ZNF385B: variants seen among roughly 807,000 people sequenced by gnomAD.
ZNF385B encodes the protein zinc finger protein 385B, also known as zinc finger protein 533.
Under a neutral mutation model 39.2 loss-of-function variants are expected in ZNF385B, and 23 were observed. The observed-to-expected ratio is 0.59, with a 90% CI of 0.42 to 0.83. ZNF385B has a LOEUF of 0.83. Among genes scored for constraint, ZNF385B ranks in the 40% least tolerant of loss-of-function variants. ZNF385B has a pLI of 0.00. For missense variants in ZNF385B, 552 were observed against 598.9 expected, an observed-to-expected ratio of 0.92 and a Z score of 0.82; for synonymous variants, 205 against 222.6, an observed-to-expected ratio of 0.92 and a Z score of 0.70.
intron 1 of ZNF385B, among the ~76,000 whole-genome samples, chr2:179,838,827 T>G (rs561701644): frequency 9.3e-5 from 14 of 151,324 alleles, no homozygotes; most frequent in Admixed American, 3.9e-4. Flanking sequence ...AAAGGTGAAA[T>G]TATATAAAAC....
intron 3 of ZNF385B, among the ~76,000 whole-genome samples, chr2:179,572,807 G>C (rs1222970340): frequency 6.6e-6 from 1 of 151,902 alleles, no homozygotes; most frequent in Non-Finnish European, 1.5e-5. Flanking sequence ...CTGTGTGCTA[G>C]ACTGTATGGT....
intron 3 of ZNF385B, among the ~76,000 whole-genome samples, chr2:179,587,020 C>T (rs1331629850): frequency 1.3e-5 from 2 of 152,124 alleles, no homozygotes; most frequent in African/African-American, 2.4e-5. Context: ...GCCTGGGCAA[C>T]AGAGTGAGAC....
chr2:179,470,041 G>T (rs149554811), intron 6 of ZNF385B, among the ~76,000 whole-genome samples: 4 of 152,150 alleles, frequency 2.6e-5, no homozygotes, highest in East Asian at 1.9e-4. Flanking sequence ...ACTCAGTGTC[G>T]TTGGGATCTG....
intron 1 of ZNF385B, among the ~76,000 whole-genome samples, chr2:179,779,352 A>T: frequency 6.6e-6 from 1 of 152,242 alleles, no homozygotes; most frequent in East Asian, 1.9e-4. Context: ...TCTAGAGCAG[A>T]GAGAGCAGGG....
chr2:179,599,781 T>A (rs1307993753), intron 3 of ZNF385B, among the ~76,000 whole-genome samples: 1 of 152,152 alleles, frequency 6.6e-6, no homozygotes, highest in East Asian at 1.9e-4. Context: ...AAAATTCAAA[T>A]AACATTCTGA....
chr2:179,496,517 C>T (rs988761443), intron 5 of ZNF385B, among the ~76,000 whole-genome samples: 4 of 151,998 alleles, frequency 2.6e-5, no homozygotes, highest in African/African-American at 9.7e-5. Flanking sequence ...GTAGATTTAA[C>T]CCAAAAAGAC....
At chr2:179,507,940 A>G (rs2057373500) in intron 5 of ZNF385B, among the ~76,000 whole-genome samples, 1 of 152,122 alleles carries the variant, frequency 6.6e-6, no homozygotes, top group African/African-American at 2.4e-5. Context: ...ACCCACCACA[A>G]CTAAAGTTCA....
At chr2:179,766,667 G>A (rs1019873062) in intron 3 of ZNF385B, among the ~76,000 whole-genome samples, 3 of 152,002 alleles carry the variant, frequency 2.0e-5, no homozygotes, top group African/African-American at 7.3e-5. Context: ...AGTCATATTG[G>A]ATTACAGCCC....
intron 3 of ZNF385B, among the ~76,000 whole-genome samples, chr2:179,572,576 A>G (rs1205628043): frequency 6.6e-6 from 1 of 152,168 alleles, no homozygotes. Context: ...ACTCAACAGG[A>G]CATGACAACT....
chr2:179,806,653 G>A (rs1442995469), intron 1 of ZNF385B, among the ~76,000 whole-genome samples: 2 of 152,102 alleles, frequency 1.3e-5, no homozygotes, highest in African/African-American at 2.4e-5. Context: ...ATTCTCACAT[G>A]TTAACTCAGA....
chr2:179,769,345 A>T (rs115087922), intron 3 of ZNF385B, among the ~76,000 whole-genome samples, 158 bp downstream of exon 3: 336 of 152,338 alleles, frequency 2.2e-3, no homozygotes, highest in African/African-American at 7.7e-3. Context: ...TCGAGAGGTG[A>T]CAAACAGCTC....
At chr2:179,701,440 A>T (rs1012140473) in intron 3 of ZNF385B, among the ~76,000 whole-genome samples, 1 of 152,204 alleles carries the variant, frequency 6.6e-6, no homozygotes, top group Non-Finnish European at 1.5e-5. Context: ...GTTCATCTTC[A>T]CAACAATCTT....
chr2:179,804,526 C>G (rs1345026026), intron 1 of ZNF385B, among the ~76,000 whole-genome samples: 8 of 152,148 alleles, frequency 5.3e-5, no homozygotes, highest in Non-Finnish European at 1.2e-4. Flanking sequence ...AGGCGTATTA[C>G]CTGTGTTCAA....
Position 179,454,860 on chromosome 2 carries a change from A to G in ZNF385B, c.716-8090T>C, listed in dbSNP as rs140753533. ...AGCTAAGTGTTATTACAAAAAAGTC[A>G]AAAGTTTAAAAACATTTGGAGTTTA... On this transcript the variant is annotated intron_variant, in intron 6 of 9. Transcript: ENST00000410066. Among the ~76,000 whole-genome samples the G allele has an allele frequency of 2.7e-3, 413 of 152,368 alleles. 4 individuals are homozygous for G. Among genetic ancestry groups the G allele is most frequent in the African/African-American group, 9.6e-3 (400 of 41,596 alleles).
chr2:179,673,887 G>A (rs1408883339), intron 3 of ZNF385B, among the ~76,000 whole-genome samples: 4 of 152,112 alleles, frequency 2.6e-5, no homozygotes, highest in Non-Finnish European at 5.9e-5. Flanking sequence ...ATTTACAGCA[G>A]TAAATAAGAT....
At position 179,763,283 on chromosome 2, in the gene ZNF385B, A is replaced by T. The variant is rs188611423; in HGVS notation, c.298+6220T>A. ...ACTGGTTCATCCTTCTCACTTGTCA[A>T]ATTTATAAACACAAGTTTTTAGTAT... On this transcript the variant is annotated intron_variant, in intron 3 of 9. Coordinates refer to ENST00000410066, the MANE Select transcript of ZNF385B (RefSeq NM_152520.6). Among the ~76,000 whole-genome samples the T allele has an allele frequency of 7.2e-3, 1,089 of 152,262 alleles. 6 individuals carry two copies. Among genetic ancestry groups the T allele is most frequent in the African/African-American group, 0.014 (579 of 41,548 alleles).
chr2:179,764,590 T>C (rs1575448049), intron 3 of ZNF385B, among the ~76,000 whole-genome samples: 1 of 152,218 alleles, frequency 6.6e-6, no homozygotes, highest in Admixed American at 6.5e-5. Flanking sequence ...ATTTATATTT[T>C]GGTTGTATCT....
At chr2:179,606,035 A>C (rs1273207042) in intron 3 of ZNF385B, among the ~76,000 whole-genome samples, 1 of 152,200 alleles carries the variant, frequency 6.6e-6, no homozygotes, top group African/African-American at 2.4e-5. Flanking sequence ...AAATCTGAGT[A>C]CAAATTATTA....
intron 3 of ZNF385B, among the ~76,000 whole-genome samples, chr2:179,767,062 G>A (rs941128199): frequency 3.3e-5 from 5 of 152,092 alleles, no homozygotes; most frequent in African/African-American, 1.2e-4. Context: ...GAGAACAGAC[G>A]ACACAATCTT....
Sources: allele counts gnomAD v4.1 joint callset (sites outside exome capture counted in the v4.1 genomes callset), GRCh38; gene constraint gnomAD v4.1.1; transcripts MANE v1.5; gene names NCBI Gene and HGNC (gene_info 2026-07-23, HGNC 2026-07-21).